RAP1A: variants seen among roughly 807,000 people sequenced by gnomAD.
The protein encoded by RAP1A is RAP1A, member of RAS oncogene family.
In RAP1A, 6 loss-of-function variants were observed where a neutral mutation model predicts 26.4. That is an observed-to-expected ratio of 0.23 (90% CI 0.12 to 0.45). The LOEUF (loss-of-function observed/expected upper bound fraction) is 0.45. Among genes scored for constraint, RAP1A ranks in the 20% least tolerant of loss-of-function variants. The pLI is 0.99. For missense variants in RAP1A, 121 were observed against 217.2 expected (o/e 0.56, Z 2.78); for synonymous variants, 73 against 79.4 (o/e 0.92, Z 0.43).
At chr1:111,633,054 A>G (rs1408285808) in intron 1 of RAP1A, among the ~76,000 whole-genome samples, 1 of 152,156 alleles carries the variant, frequency 6.6e-6, no homozygotes, top group East Asian at 1.9e-4. Context: ...TTTGAGTTGG[A>G]AGGACAATAA....
chr1:111,706,847 C>A, intron 6 of RAP1A: 1 of 535,034 alleles, frequency 1.9e-6, no homozygotes, highest in Non-Finnish European at 2.4e-6. Flanking sequence ...CTATATAGTA[C>A]CAGAAACCAG....
chr1:111,648,805 C>T, intron 1 of RAP1A: 2 of 669,460 alleles, frequency 3.0e-6, no homozygotes, highest in South Asian at 2.9e-5. Context: ...TTCTTTCAAG[C>T]CAGCTCATTG....
intron 5 of RAP1A, 65 bp downstream of exon 5, chr1:111,703,541 G>A (rs775946574): frequency 1.4e-5 from 19 of 1,363,434 alleles, no homozygotes; most frequent in Non-Finnish European, 1.9e-5. Context: ...AAAAGTGCCT[G>A]TTTTCTCTAT....
chr1:111,652,651 A>G (rs899701566), intron 1 of RAP1A, among the ~76,000 whole-genome samples: 1 of 152,162 alleles, frequency 6.6e-6, no homozygotes, highest in African/African-American at 2.4e-5. Context: ...ACGCAAATCA[A>G]AACCATAATG....
chr1:111,611,758 C>T (rs963781374), intron 1 of RAP1A, among the ~76,000 whole-genome samples: 2 of 152,188 alleles, frequency 1.3e-5, no homozygotes, highest in African/African-American at 4.8e-5. Flanking sequence ...ACTCCAGAGC[C>T]TACATGTTTA....
At chr1:111,591,036 T>C (rs775923258) in intron 1 of RAP1A, among the ~76,000 whole-genome samples, 2 of 152,224 alleles carry the variant, frequency 1.3e-5, no homozygotes, top group Non-Finnish European at 2.9e-5. Context: ...TTTTTGTAGG[T>C]AGATTTTAAA....
chr1:111,636,642 C>T (rs1050410642), intron 1 of RAP1A, among the ~76,000 whole-genome samples: 3 of 151,970 alleles, frequency 2.0e-5, no homozygotes, highest in Admixed American at 1.3e-4. Flanking sequence ...CGCCACCACT[C>T]CCAGCTAATT....
intron 1 of RAP1A, among the ~76,000 whole-genome samples, chr1:111,548,640 G>C (rs531011782): frequency 6.6e-6 from 1 of 152,250 alleles, no homozygotes; most frequent in East Asian, 1.9e-4. Context: ...CTTCAATTAG[G>C]TCACAAACAA....
intron 1 of RAP1A, chr1:111,650,493 C>T (rs1660230604): frequency 6.6e-6 from 1 of 152,032 alleles, no homozygotes; most frequent in Non-Finnish European, 1.5e-5. Context: ...GTTAATCTTC[C>T]CTATATCATT....
At chr1:111,544,042 G>A (rs1013017498) in intron 1 of RAP1A, among the ~76,000 whole-genome samples, 18 of 152,178 alleles carry the variant, frequency 1.2e-4, no homozygotes, top group Admixed American at 6.5e-5. Flanking sequence ...CCAATCAAAT[G>A]TATAGCCTTC....
At chr1:111,707,278 TA>T (rs1462055704) in intron 6 of RAP1A, among the ~76,000 whole-genome samples, 12 of 152,256 alleles carry the variant, frequency 7.9e-5, no homozygotes, top group Non-Finnish European at 2.9e-5. Context: ...AAAAAGGAAA[TA>T]GGTAATTATC....
intron 1 of RAP1A, among the ~76,000 whole-genome samples, chr1:111,612,473 T>C (rs980889393): frequency 2.0e-5 from 3 of 152,156 alleles, no homozygotes; most frequent in African/African-American, 7.2e-5. Flanking sequence ...AATGAACAAC[T>C]CTTGTTTCTC....
chr1:111,587,400 C>T (rs1345333630), intron 1 of RAP1A, among the ~76,000 whole-genome samples: 1 of 152,126 alleles, frequency 6.6e-6, no homozygotes, highest in Non-Finnish European at 1.5e-5. Flanking sequence ...CCTAAAAACT[C>T]TCAGTCTAAT....
At chr1:111,645,019 A>C (rs1660019705) in intron 1 of RAP1A, among the ~76,000 whole-genome samples, 1 of 152,218 alleles carries the variant, frequency 6.6e-6, no homozygotes, top group African/African-American at 2.4e-5. Context: ...TCAGCTTCTG[A>C]TATTTGCACT....
intron 1 of RAP1A, among the ~76,000 whole-genome samples, chr1:111,580,416 A>G (rs969201189): frequency 1.3e-5 from 2 of 152,220 alleles, no homozygotes; most frequent in African/African-American, 4.8e-5. Flanking sequence ...TAAGGCACAC[A>G]CGTGGATGTA....
At chr1:111,592,621 T>C (rs1167581295) in intron 1 of RAP1A, among the ~76,000 whole-genome samples, 1 of 152,182 alleles carries the variant, frequency 6.6e-6, no homozygotes, top group Non-Finnish European at 1.5e-5. Flanking sequence ...GACGATTCTT[T>C]TGGATTCCTG....
At chr1:111,551,738 G>C (rs769552850) in intron 1 of RAP1A, among the ~76,000 whole-genome samples, 1 of 138,482 alleles carries the variant, frequency 7.2e-6, no homozygotes, top group Non-Finnish European at 1.5e-5. Flanking sequence ...TTTGTTTTGT[G>C]GTTTTTGGTT....
Position 111,613,852 on chromosome 1 carries a change from G to A in RAP1A, c.-28+71343G>A, listed in dbSNP as rs376625836. 9.2e-5 allele frequency among the ~76,000 whole-genome samples: 14 copies of A among 152,156 alleles called. No individual in the cohort carries two copies. The South Asian group carries it at 1.2e-3, about 14-fold the overall frequency. On this transcript the variant is annotated intron_variant, in intron 1 of 7. Coordinates refer to the RAP1A transcript ENST00000356415. ...CAATCTATGGACCACATTTTGAGTG[G>A]CACTAATATAGATAACATCGGTTTA...
At chr1:111,550,322 T>C (rs1417492220) in intron 1 of RAP1A, among the ~76,000 whole-genome samples, 1 of 152,178 alleles carries the variant, frequency 6.6e-6, no homozygotes, top group East Asian at 1.9e-4. Flanking sequence ...AATCTCTTTT[T>C]CATTTACTTT....
Sources: gnomAD v4.1 joint callset for allele counts (sites outside exome capture counted in the v4.1 genomes callset) on GRCh38, gnomAD v4.1.1 for gene constraint, MANE v1.5 for transcripts, NCBI Gene and HGNC (gene_info 2026-07-23, HGNC 2026-07-21) for gene names.